FYCO1: variants seen among roughly 807,000 people sequenced by gnomAD.
FYCO1 encodes the protein FYVE and coiled-coil domain-containing protein 1.
FYCO1 carries 122 observed loss-of-function variants against 165.1 expected under a neutral mutation model. The ratio of observed to expected loss-of-function variants is 0.74; its 90% confidence interval spans 0.64 to 0.86. The LOEUF is 0.86. Among genes scored for constraint, FYCO1 ranks in the 40% least tolerant of loss-of-function variants. The pLI is 0.00. For missense variants in FYCO1, 1,702 were observed against 1,810.3 expected (o/e 0.94, Z 1.09); for synonymous variants, 648 against 742.5 (o/e 0.87, Z 2.07).
chr3:45,924,937 AT>A (rs34421491), intron 16 of FYCO1, among the ~76,000 whole-genome samples: 95,615 of 146,560 alleles, frequency 0.65, 31,357 homozygotes, highest in East Asian at 0.99. Context: ...TTTAAAAAAA[AT>A]TTTTTTTTTA....
Position 45,968,244 on chromosome 3 carries a change from G to C in FYCO1, c.1090C>G (p.His364Asp). The C allele has an allele frequency of 6.2e-7, 1 of 1,613,982 alleles. No homozygotes were observed. The highest frequency in any genetic ancestry group is 8.5e-7 in the Non-Finnish European group (1 of 1,180,032). ...TRDSLDKKNQ[H>D]LASFPGWLAM... ...AGCCAGCCTGGGAAGCTGGCTAAATGCTGGTTTTTCTTGTCCAGTGAGTCC... is the reference window on the plus strand; with the variant it reads ...AGCCAGCCTGGGAAGCTGGCTAAATCCTGGTTTTTCTTGTCCAGTGAGTCC... The change falls in exon 8 of 18, where the codon CAT (histidine) becomes GAT (aspartate). Residue 364 changes from histidine (H) to aspartate (D), a missense_variant. Coordinates refer to ENST00000296137, the MANE Select transcript of FYCO1 (RefSeq NM_024513.4).
In FYCO1 at chr3:45,967,147, C is replaced by T. The variant is rs1391159672; in HGVS notation, c.2187G>A (p.Glu729=). Residue 729 remains glutamate (E), a synonymous_variant, in exon 8 of 18, where the codon GAG becomes GAA. Transcript: ENST00000296137. ...CQQLAEARHR[E]LRALESQCQQ... The stretch of plus-strand genomic sequence containing the variant: ...GGCACTGGCTCTCGAGAGCCCTAAG[C>T]TCTCTGTGCCGGGCTTCTGCCAGTT... The T allele has an allele frequency of 6.2e-7, 1 of 1,613,482 alleles. No homozygotes were observed. Among genetic ancestry groups the T allele is most frequent in the Non-Finnish European group, 8.5e-7 (1 of 1,179,650 alleles).
chr3:45,947,684 T>A (rs1704719590), intron 14 of FYCO1: 1 of 612,770 alleles, frequency 1.6e-6, no homozygotes, highest in Non-Finnish European at 2.9e-6. Flanking sequence ...TGTTCTCTTC[T>A]TGAACACTCA....
chr3:45,972,388 G>T (rs931357970), intron 6 of FYCO1, among the ~76,000 whole-genome samples: 3 of 152,208 alleles, frequency 2.0e-5, no homozygotes, highest in African/African-American at 7.2e-5. Context: ...CTCTATACAT[G>T]AAGTATTTCC....
At chr3:45,934,878 C>T (rs35996192) in intron 15 of FYCO1, among the ~76,000 whole-genome samples, 1,678 of 152,302 alleles carry the variant, frequency 0.011, 15 homozygotes, top group South Asian at 0.025. Flanking sequence ...GACACAGGCC[C>T]ATTGCATCAA....
chr3:45,947,591 T>C, intron 14 of FYCO1: 1 of 1,113,386 alleles, frequency 9.0e-7, no homozygotes, highest in Non-Finnish European at 1.3e-6. Context: ...GCAGGCTTTG[T>C]TTATAGCTTG....
intron 14 of FYCO1, among the ~76,000 whole-genome samples, chr3:45,938,790 C>T (rs573273400): frequency 6.6e-6 from 1 of 152,226 alleles, no homozygotes; most frequent in Admixed American, 6.5e-5. Flanking sequence ...CTGAGGCCAG[C>T]CTCGAGGCTC....
intron 15 of FYCO1, among the ~76,000 whole-genome samples, chr3:45,932,014 G>A (rs570159371): frequency 1.6e-4 from 24 of 152,324 alleles, no homozygotes; most frequent in African/African-American, 5.8e-4. Context: ...GTGACGTGAA[G>A]AATGTGAGGT....
intron 14 of FYCO1, chr3:45,947,393 G>T (rs199651943): frequency 6.4e-5 from 104 of 1,614,116 alleles, no homozygotes; most frequent in Non-Finnish European, 8.6e-5. Flanking sequence ...AACTTGTGAA[G>T]GACATTGGTT....
At chr3:45,938,272 G>A in intron 14 of FYCO1, 3 of 1,285,044 alleles carry the variant, frequency 2.3e-6, no homozygotes, top group Non-Finnish European at 3.0e-6. Context: ...GAGTGAGGTA[G>A]GAATGGGATA....
intron 14 of FYCO1, among the ~76,000 whole-genome samples, chr3:45,949,966 A>G (rs1403057281): frequency 6.6e-6 from 1 of 152,158 alleles, no homozygotes; most frequent in African/African-American, 2.4e-5. Context: ...CGGGCACAGC[A>G]CATGCAGATT....
intron 4 of FYCO1, among the ~76,000 whole-genome samples, chr3:45,976,861 T>G (rs551590060): frequency 1.3e-5 from 2 of 152,328 alleles, no homozygotes; most frequent in South Asian, 4.1e-4. Context: ...AGGTGTTAAC[T>G]CTCTTTAACT....
At chr3:45,955,539 T>C in intron 13 of FYCO1, 146 bp from the exon 14 acceptor site, 1 of 917,086 alleles carries the variant, frequency 1.1e-6, no homozygotes. Context: ...AACTGACAGC[T>C]ATTCTGTCCA....
At chr3:45,968,844 G>T in intron 7 of FYCO1, 141 bp from the exon 8 acceptor site, 2 of 1,006,016 alleles carry the variant, frequency 2.0e-6, no homozygotes, top group Non-Finnish European at 3.0e-6. Context: ...CTATTCAAAA[G>T]ACTAGAATCC....
In FYCO1 at chr3:45,921,413, A is replaced by T; in HGVS notation, c.*352T>A. ...CTCTCCACAGGCAGAAGTTGGAATC[A>T]CCCCTGCCCGTGAAACTCTCCACAA... On this transcript the variant is annotated 3_prime_UTR_variant, in exon 18 of 18. Coordinates refer to ENST00000296137, the MANE Select transcript of FYCO1 (RefSeq NM_024513.4). 2.9e-6 allele frequency: 1 copy of T among 345,600 alleles called. No individual in the cohort carries two copies. The highest frequency in any genetic ancestry group is 2.4e-5 in the South Asian group (1 of 41,402). 21.4% of individuals were successfully genotyped at this position (345,600 alleles called of 1,614,324 possible).
At chr3:45,963,250 C>G (rs1372699081) in intron 10 of FYCO1, among the ~76,000 whole-genome samples, 2 of 152,144 alleles carry the variant, frequency 1.3e-5, no homozygotes, top group Admixed American at 6.5e-5. Context: ...ACCACACACA[C>G]ACACTGAATA....
At chr3:45,933,465 G>A (rs988751129) in intron 15 of FYCO1, among the ~76,000 whole-genome samples, 4 of 152,094 alleles carry the variant, frequency 2.6e-5, no homozygotes, top group African/African-American at 9.7e-5. Flanking sequence ...GACCTGCCTT[G>A]GATCTGTGTG....
chr3:45,979,462 C>A (rs543710240), intron 4 of FYCO1, among the ~76,000 whole-genome samples: 1 of 152,226 alleles, frequency 6.6e-6, no homozygotes, highest in African/African-American at 2.4e-5. Flanking sequence ...AAGTAACATG[C>A]GGGTTGTGGC....
chr3:45,970,056 C>CTCAGTTTGT (rs1706332245), intron 6 of FYCO1, among the ~76,000 whole-genome samples: 1 of 152,168 alleles, frequency 6.6e-6, no homozygotes, highest in Non-Finnish European at 1.5e-5. Context: ...GCTTTTGGTG[C>CTCAGTTTGT]CTGCCTCAGT....
Sources: gnomAD v4.1 joint callset for allele counts (sites outside exome capture counted in the v4.1 genomes callset) on GRCh38, gnomAD v4.1.1 for gene constraint, MANE v1.5 for transcripts, NCBI Gene and HGNC (gene_info 2026-07-23, HGNC 2026-07-21) for gene names.